The following IL1RAPL2 variants were observed in gnomAD, a reference collection of about 807,000 sequenced individuals.
The protein encoded by IL1RAPL2 is X-linked interleukin-1 receptor accessory protein-like 2.
IL1RAPL2 carries 3 observed loss-of-function variants against 44.1 expected under a neutral mutation model. The ratio of observed to expected loss-of-function variants is 0.07; its 90% CI spans 0.03 to 0.18. IL1RAPL2 has a LOEUF of 0.18. Ranked by LOEUF, IL1RAPL2 falls within the 10% of genes least tolerant of loss-of-function variation. The probability of loss-of-function intolerance (pLI) is 1.00; values close to 1 mark genes in which losing one functional copy is unlikely to be tolerated. For missense variants in IL1RAPL2, 391 were observed against 496.4 expected (o/e 0.79, Z 2.02); for synonymous variants, 181 against 178.8 (o/e 1.01, Z -0.10).
chrX:105,056,012 G>A (rs766498229), intron 2 of IL1RAPL2, among the ~76,000 whole-genome samples: 3 of 111,297 alleles, frequency 2.7e-5, no homozygotes, highest in African/African-American at 9.9e-5. Flanking sequence ...TTCTTTGTGT[G>A]CTTAAGAAAA....
intron 6 of IL1RAPL2, among the ~76,000 whole-genome samples, chrX:105,587,515 T>C (rs760604188): frequency 9.0e-6 from 1 of 111,704 alleles, no homozygotes; most frequent in East Asian, 2.8e-4. Context: ...TACTATCTTC[T>C]GCTTTCTCTT....
intron 2 of IL1RAPL2, among the ~76,000 whole-genome samples, chrX:104,825,828 T>A (rs182993522): frequency 4.0e-3 from 444 of 111,967 alleles, no homozygotes; most frequent in African/African-American, 0.014. Flanking sequence ...AGAGTTTAGG[T>A]AGGTCATTCT....
chrX:105,319,941 C>T (rs985391376), intron 5 of IL1RAPL2, among the ~76,000 whole-genome samples: 4 of 110,948 alleles, frequency 3.6e-5, no homozygotes, highest in Non-Finnish European at 5.7e-5. Context: ...AAATGACTTA[C>T]GAGTTATTTT....
chrX:105,753,761 C>G (rs1190786018), intron 9 of IL1RAPL2, among the ~76,000 whole-genome samples: 1 of 112,076 alleles, frequency 8.9e-6, no homozygotes, highest in African/African-American at 3.2e-5. Context: ...TTTATGGAAG[C>G]CTTTTGCAGC....
chrX:105,009,793 T>A (rs111442210), intron 2 of IL1RAPL2, among the ~76,000 whole-genome samples: 6,950 of 110,225 alleles, frequency 0.063, 603 homozygotes, highest in African/African-American at 0.22. Flanking sequence ...TTTATCTCTT[T>A]GTAATACTGT....
At chrX:105,051,204 G>GCC (rs35834504) in intron 2 of IL1RAPL2, among the ~76,000 whole-genome samples, 1 of 110,651 alleles carries the variant, frequency 9.0e-6, no homozygotes, top group African/African-American at 3.3e-5. Flanking sequence ...CCTGGGCTCA[G>GCC]CCCAACCCCA....
At chrX:105,105,123 C>T (rs2032721804) in intron 2 of IL1RAPL2, among the ~76,000 whole-genome samples, 2 of 111,344 alleles carry the variant, frequency 1.8e-5, no homozygotes, top group Non-Finnish European at 1.9e-5. Flanking sequence ...ATGTGAAATA[C>T]AAAAATCAAT....
chrX:105,575,919 G>T (rs775128528), intron 6 of IL1RAPL2, among the ~76,000 whole-genome samples: 4 of 111,404 alleles, frequency 3.6e-5, no homozygotes, highest in African/African-American at 1.3e-4. Context: ...TTTTCCTAAC[G>T]ATTAGTGATA....
intron 4 of IL1RAPL2, among the ~76,000 whole-genome samples, chrX:105,237,892 A>T (rs1289001482): frequency 1.8e-5 from 2 of 112,032 alleles, no homozygotes; most frequent in Non-Finnish European, 3.8e-5. Flanking sequence ...AGAAGAGGAT[A>T]CATTTGTCCA....
intron 2 of IL1RAPL2, among the ~76,000 whole-genome samples, chrX:104,685,980 A>G (rs1930981684): frequency 9.0e-6 from 1 of 110,927 alleles, no homozygotes; most frequent in African/African-American, 3.3e-5. Context: ...AACTTAAAAA[A>G]AAAGAACATC....
chrX:105,587,358 C>T (rs1370060881), intron 6 of IL1RAPL2, among the ~76,000 whole-genome samples: 1 of 111,173 alleles, frequency 9.0e-6, no homozygotes, highest in Non-Finnish European at 1.9e-5. Context: ...ACTATTCTTT[C>T]CAAAGTTCTG....
Position 105,267,360 on chromosome X carries a change from T to G in IL1RAPL2, c.544-28T>G, listed in dbSNP as rs916740241. 4.3e-6 allele frequency: 5 copies of G among 1,171,488 alleles called. No individual in the cohort carries two copies. In the Admixed American group the frequency reaches 1.3e-4, roughly 30 times the overall value. On this transcript the variant is annotated intron_variant, in intron 4 of 10. Coordinates refer to ENST00000372582, the MANE Select transcript of IL1RAPL2 (RefSeq NM_017416.2). Reference sequence around the variant, plus strand: ...ATGTAGTCTGTGAAATTCTATTTTTTGCTTACTTGCAAATATTTTATCTGC... The same window carrying G: ...ATGTAGTCTGTGAAATTCTATTTTTGGCTTACTTGCAAATATTTTATCTGC...
intron 2 of IL1RAPL2, among the ~76,000 whole-genome samples, chrX:104,893,675 G>A (rs541773296): frequency 9.0e-6 from 1 of 111,279 alleles, no homozygotes; most frequent in African/African-American, 3.3e-5. Flanking sequence ...TTGAGTCTAT[G>A]TGTGTTTCTG....
At chrX:105,076,021 GT>G (rs2147542769) in intron 2 of IL1RAPL2, among the ~76,000 whole-genome samples, 1 of 111,327 alleles carries the variant, frequency 9.0e-6, no homozygotes, top group Non-Finnish European at 1.9e-5. Flanking sequence ...TTTTTGAAGG[GT>G]TTTTTGTGTC....
At chrX:105,492,163 A>C (rs973812169) in intron 6 of IL1RAPL2, among the ~76,000 whole-genome samples, 1 of 111,869 alleles carries the variant, frequency 8.9e-6, no homozygotes, top group Non-Finnish European at 1.9e-5. Flanking sequence ...ACAGTGTCTT[A>C]TTACTCATAA....
At chrX:104,688,342 T>C (rs1931025891) in intron 2 of IL1RAPL2, among the ~76,000 whole-genome samples, 1 of 111,655 alleles carries the variant, frequency 9.0e-6, no homozygotes, top group Admixed American at 9.6e-5. Flanking sequence ...CTTTGATATG[T>C]TAACATGTAT....
intron 2 of IL1RAPL2, among the ~76,000 whole-genome samples, chrX:104,909,631 G>C (rs1377029512): frequency 8.9e-6 from 1 of 111,784 alleles, no homozygotes; most frequent in East Asian, 2.8e-4. Flanking sequence ...GCTCCTGTTG[G>C]GGGGTGCCTC....
At chrX:105,219,391 C>T (rs782034215) in intron 3 of IL1RAPL2, 20 of 1,208,276 alleles carry the variant, frequency 1.7e-5, no homozygotes, top group African/African-American at 8.8e-5. Flanking sequence ...TTCGACCGAC[C>T]GGAGATCTCC....
intron 6 of IL1RAPL2, among the ~76,000 whole-genome samples, chrX:105,678,535 C>A (rs901795274): frequency 9.2e-6 from 1 of 109,225 alleles, no homozygotes; most frequent in Non-Finnish European, 1.9e-5. Flanking sequence ...CACCCTTCTG[C>A]TCAGATGAAC....
Sources: allele counts gnomAD v4.1 joint callset (sites outside exome capture counted in the v4.1 genomes callset), GRCh38; gene constraint gnomAD v4.1.1; transcripts MANE v1.5; gene names NCBI Gene and HGNC (gene_info 2026-07-23, HGNC 2026-07-21).